Variants in SSB observed in about 807,000 individuals in gnomAD.
SSB encodes the protein small RNA binding exonuclease protection factor La, also known as lupus La protein.
Under a neutral mutation model 52.9 loss-of-function variants are expected in SSB, and 17 were observed. The observed-to-expected ratio is 0.32, with a 90% CI of 0.22 to 0.48. The LOEUF is 0.48. Among genes scored for constraint, SSB ranks in the 20% least tolerant of loss-of-function variants. The pLI is 0.99. For missense variants in SSB, 314 were observed against 463.6 expected (o/e 0.68, Z 2.96); for synonymous variants, 111 against 152.1 (o/e 0.73, Z 1.99).
Position 169,805,713 on chromosome 2 carries a change from C to T in SSB, c.219C>T (p.Ser73=). ...TTAATGTAATTGTGGAAGCATTGAG[C>T]AAATCCAAGGCAGAACTCATGGAAA... ...TDFNVIVEAL[S]KSKAELMEIS... The change falls in exon 4 of 12, where the codon AGC becomes AGT. Residue 73 remains serine (S), a synonymous_variant. Transcript: ENST00000260956. 6.2e-7 allele frequency: 1 copy of T among 1,614,020 alleles called. No homozygotes were observed. Among genetic ancestry groups the T allele is most frequent in the African/African-American group, 1.3e-5 (1 of 75,012 alleles).
chr2:169,805,986 G>C (rs953244641), intron 4 of SSB, 147 bp downstream of exon 4: 2 of 899,168 alleles, frequency 2.2e-6, no homozygotes, highest in African/African-American at 3.3e-5. Context: ...GTTTTGTTTT[G>C]TTTTGAGACA....
At chr2:169,802,254 A>G (rs1436639145) in intron 2 of SSB, among the ~76,000 whole-genome samples, 1 of 152,128 alleles carries the variant, frequency 6.6e-6, no homozygotes, top group Non-Finnish European at 1.5e-5. Flanking sequence ...CTGATTTGCA[A>G]ATCGTTCTTT....
chr2:169,807,184 A>G, intron 6 of SSB, 113 bp downstream of exon 6: 1 of 783,672 alleles, frequency 1.3e-6, no homozygotes. Context: ...GTATCTTTAG[A>G]TGACCTTTGA....
At chr2:169,806,735 T>C (rs369093306) in intron 4 of SSB, 50 bp from the exon 5 acceptor site, 7 of 1,401,636 alleles carry the variant, frequency 5.0e-6, no homozygotes, top group Non-Finnish European at 7.0e-6. Context: ...CAATTGTTTA[T>C]CTGAGAAGTC....
chr2:169,803,502 G>C (rs866310823), intron 2 of SSB, among the ~76,000 whole-genome samples: 1 of 152,008 alleles, frequency 6.6e-6, no homozygotes, highest in Non-Finnish European at 1.5e-5. Flanking sequence ...CACCTGCTTC[G>C]GCCACCCAAA....
intron 6 of SSB, among the ~76,000 whole-genome samples, chr2:169,808,007 CAT>C (rs1573961100): frequency 6.6e-6 from 1 of 151,982 alleles, no homozygotes; most frequent in African/African-American, 2.4e-5. Flanking sequence ...ACATGATTTT[CAT>C]ATGTTATTGT....
At position 169,810,119 on chromosome 2, in the gene SSB, T is replaced by C. The variant is rs1299666710; in HGVS notation, c.670-164T>C. 3 of 389,718 alleles carry C rather than the reference T, an allele frequency of 7.7e-6. No individual in the cohort carries two copies. The East Asian group carries it at 1.2e-4, about 16-fold the overall frequency. 24.1% of individuals were successfully genotyped at this position (389,718 alleles called of 1,614,324 possible). A position where few individuals can be genotyped will look rare whatever the true frequency, so the allele number is the denominator to read the frequency against. On this transcript the variant is annotated intron_variant, in intron 8 of 11. Coordinates refer to ENST00000260956, the MANE Select transcript of SSB (RefSeq NM_003142.5). ...TTATTTATTTATTATTATTATTATTTTTTGAGATGGAGTTTCGCTCTTGCT... is the reference window on the plus strand; with the variant it reads ...TTATTTATTTATTATTATTATTATTCTTTGAGATGGAGTTTCGCTCTTGCT...
chr2:169,811,695 C>T lies in SSB; in HGVS notation c.1166C>T (p.Thr389Ile). ...CCTGTGAAAAGAGCAAGAGAAGAAA[C>T]AGACAAAGAAGAACCTGCATCCAAA... ...TGPVKRAREE[T>I]DKEEPASKQQ... Residue 389 changes from threonine (T) to isoleucine (I), a missense_variant, in exon 12 of 12, where the codon ACA (threonine) becomes ATA (isoleucine). Coordinates refer to ENST00000260956, the MANE Select transcript of SSB (RefSeq NM_003142.5). The T allele has an allele frequency of 1.9e-6, 3 of 1,612,976 alleles. No homozygotes were observed. The Admixed American group carries it at 5.0e-5, about 27-fold the overall frequency.
Position 169,810,397 on chromosome 2 carries a change from A to T in SSB, c.784A>T (p.Ile262Leu). ...LFSNHGEIKW[I>L]DFVRGAKEGI... is the part of the protein sequence containing the mutation. ...CTCAAATCATGGTGAAATAAAATGG[A>T]TAGACTTCGTCAGAGGAGCAAAAGA... Residue 262 changes from isoleucine (I) to leucine (L), a missense_variant, in exon 9 of 12, where the codon ATA becomes TTA. By Grantham distance (5) the Ile-to-Leu change is conservative. Transcript: ENST00000260956. 6.2e-7 allele frequency: 1 copy of T among 1,610,054 alleles called. No individual in the cohort carries two copies. Among genetic ancestry groups the T allele is most frequent in the Non-Finnish European group, 8.5e-7 (1 of 1,178,622 alleles).
chr2:169,805,349 G>T, intron 2 of SSB, 125 bp from the exon 3 acceptor site: 1 of 633,690 alleles, frequency 1.6e-6, no homozygotes, highest in Non-Finnish European at 2.7e-6. Flanking sequence ...TGTATATTTG[G>T]GGAAAGTGTT....
At chr2:169,806,017 T>A in intron 4 of SSB, 178 bp downstream of exon 4, 1 of 713,990 alleles carries the variant, frequency 1.4e-6, no homozygotes, top group South Asian at 1.5e-5. Context: ...GTTGCTCACG[T>A]TGGAGTGCAG....
chr2:169,810,706 T>C (rs1689931896), intron 9 of SSB, 152 bp from the exon 10 acceptor site: 1 of 765,466 alleles, frequency 1.3e-6, no homozygotes, highest in Non-Finnish European at 2.1e-6. Context: ...GTTTTACTTC[T>C]GTAGCATTCC....
intron 8 of SSB, among the ~76,000 whole-genome samples, chr2:169,809,471 A>C (rs1427686286): frequency 1.3e-5 from 2 of 152,212 alleles, no homozygotes; most frequent in Non-Finnish European, 1.5e-5. Flanking sequence ...TTATGAGAAA[A>C]TGTCCTATAA....
Position 169,808,467 on chromosome 2 carries a change from C to A in SSB, c.555-15C>A, listed in dbSNP as rs759598604. Reference sequence around the variant, plus strand: ...TGTTCTCGTGAACTTAGCCTCTGTACTGTGTGTTCTTTAGGGACGATTACT... The same window carrying A: ...TGTTCTCGTGAACTTAGCCTCTGTAATGTGTGTTCTTTAGGGACGATTACT... On this transcript the variant is annotated splice_polypyrimidine_tract_variant and intron_variant, in intron 6 of 11. Coordinates refer to ENST00000260956, the MANE Select transcript of SSB (RefSeq NM_003142.5). 6.2e-7 allele frequency: 1 copy of A among 1,608,676 alleles called. No individual in the cohort carries two copies. The highest frequency in any genetic ancestry group is 1.7e-4 in the Middle Eastern group (1 of 6,042).
chr2:169,810,383 G>T lies in SSB; in HGVS notation c.770G>T (p.Gly257Val). ...TTACACATACTTTTCTCAAATCATG[G>T]TGAAATAAAATGGATAGACTTCGTC... Reference protein sequence around the residue: ...EDLHILFSNHGEIKWIDFVRG... With the variant: ...EDLHILFSNHVEIKWIDFVRG... The change falls in exon 9 of 12, where the codon GGT becomes GTT. Residue 257 changes from glycine (G) to valine (V), a missense_variant. Physicochemically the swap from Gly to Val is moderately radical, Grantham distance 109. Transcript: ENST00000260956. 1 of 1,609,836 alleles carries T rather than the reference G, an allele frequency of 6.2e-7. No individual in the cohort carries two copies. The highest frequency in any genetic ancestry group is 8.5e-7 in the Non-Finnish European group (1 of 1,178,584).
chr2:169,804,558 C>CT (rs1251275360), intron 2 of SSB, among the ~76,000 whole-genome samples: 1 of 151,524 alleles, frequency 6.6e-6, no homozygotes, highest in Non-Finnish European at 1.5e-5. Flanking sequence ...CCCCCACCCC[C>CT]TTTTTTGAGA....
chr2:169,806,929 A>T (rs1689841363), intron 5 of SSB, 37 bp downstream of exon 5: 1 of 1,608,980 alleles, frequency 6.2e-7, no homozygotes, highest in Non-Finnish European at 8.5e-7. Flanking sequence ...TTTAAAATAT[A>T]TGGGACATAA....
At chr2:169,799,921 T>TCTCTACTA (rs1214514703) in intron 1 of SSB, among the ~76,000 whole-genome samples, 2 of 152,232 alleles carry the variant, frequency 1.3e-5, no homozygotes, top group African/African-American at 4.8e-5. Flanking sequence ...GGTGGCTTAG[T>TCTCTACTA]AGAGTCCTGG....
intron 2 of SSB, among the ~76,000 whole-genome samples, chr2:169,802,344 C>G (rs1689730306): frequency 6.6e-6 from 1 of 151,174 alleles, no homozygotes; most frequent in Non-Finnish European, 1.5e-5. Context: ...TATCTCTAAA[C>G]TTAGGTTCTT....
Sources: allele counts gnomAD v4.1 joint callset (sites outside exome capture counted in the v4.1 genomes callset), GRCh38; gene constraint gnomAD v4.1.1; transcripts MANE v1.5; gene names NCBI Gene and HGNC (gene_info 2026-07-23, HGNC 2026-07-21).